The following PCDHA2 variants were observed in gnomAD, a reference collection of about 807,000 sequenced individuals.
PCDHA2 encodes the protein protocadherin alpha-2.
In PCDHA2, 58 loss-of-function variants were observed where a neutral mutation model predicts 66.0. That is an observed-to-expected ratio of 0.88 (90% CI 0.71 to 1.09). The LOEUF (loss-of-function observed/expected upper bound fraction) is 1.09, where lower values mean the gene tolerates loss of function less well. PCDHA2 is among the 50% of genes least tolerant of loss of function. PCDHA2 has a pLI of 0.00. For missense variants in PCDHA2, 1,267 were observed against 1,242.3 expected (o/e 1.02, Z -0.30); for synonymous variants, 634 against 554.0 (o/e 1.14, Z -2.03).
intron 1 of PCDHA2, among the ~76,000 whole-genome samples, chr5:140,908,155 G>C (rs559304647): frequency 6.6e-6 from 1 of 152,194 alleles, no homozygotes; most frequent in Non-Finnish European, 1.5e-5. Context: ...TCCTAGGAAG[G>C]GGCTGTAGTG....
chr5:140,994,377 G>T (rs1260163825), intron 3 of PCDHA2, among the ~76,000 whole-genome samples: 3 of 152,098 alleles, frequency 2.0e-5, no homozygotes, highest in Non-Finnish European at 4.4e-5. Context: ...GGAAATTCAG[G>T]GGACTAAGTC....
chr5:140,869,502 C>G (rs2051182557), intron 1 of PCDHA2: 1 of 1,614,090 alleles, frequency 6.2e-7, no homozygotes, highest in African/African-American at 1.3e-5. Context: ...CGCCGGTGTT[C>G]TCGCTCAGAG....
intron 1 of PCDHA2, chr5:140,830,054 G>A (rs2150180380): frequency 4.3e-6 from 7 of 1,613,740 alleles, no homozygotes; most frequent in South Asian, 1.1e-5. Flanking sequence ...GAAAGACCAC[G>A]GTGAGCCGGC....
At chr5:140,900,477 A>G (rs2068076560) in intron 1 of PCDHA2, among the ~76,000 whole-genome samples, 1 of 152,290 alleles carries the variant, frequency 6.6e-6, no homozygotes, top group Non-Finnish European at 1.5e-5. Flanking sequence ...GAGTTTCTCC[A>G]TGTTGGTCAG....
chr5:140,795,560 C>G lies in PCDHA2; in HGVS notation c.596C>G (p.Ser199Trp). ...TCTTTGTCTCTCGTGCTGGGGAAAT[C>G]GCTGGACAGAGAGGAAACTGCTGAG... ...SESLSLVLGK[S>W]LDREETAEVN... The change falls in exon 1 of 4, where the codon TCG (serine) becomes TGG (tryptophan). Residue 199 changes from serine (S) to tryptophan (W), a missense_variant. Physicochemically the swap from Ser to Trp is radical, Grantham distance 177 (BLOSUM62 -3). Transcript: ENST00000526136. 8 of 1,614,118 alleles carry G rather than the reference C, an allele frequency of 5.0e-6. No homozygotes were observed. Among genetic ancestry groups the G allele is most frequent in the Non-Finnish European group, 6.8e-6 (8 of 1,180,032 alleles).
At chr5:140,851,120 T>C (rs1052387301) in intron 1 of PCDHA2, 3 of 1,307,570 alleles carry the variant, frequency 2.3e-6, no homozygotes, top group Non-Finnish European at 2.0e-6. Flanking sequence ...ATCAATTTTA[T>C]TTAAATTTGT....
intron 1 of PCDHA2, among the ~76,000 whole-genome samples, chr5:140,838,146 C>T (rs1775571297): frequency 2.0e-5 from 3 of 149,200 alleles, no homozygotes; most frequent in Non-Finnish European, 4.5e-5. Flanking sequence ...CAGAGTTTTA[C>T]TCTGTCGCCC....
At chr5:140,844,453 C>T (rs1452241460) in intron 1 of PCDHA2, among the ~76,000 whole-genome samples, 5 of 148,746 alleles carry the variant, frequency 3.4e-5, no homozygotes, top group Non-Finnish European at 7.5e-5. Context: ...TGTATTGTCG[C>T]CAACTTAACA....
intron 1 of PCDHA2, chr5:140,967,578 C>T (rs868970551): frequency 1.9e-6 from 3 of 1,614,000 alleles, no homozygotes; most frequent in Non-Finnish European, 2.5e-6. Flanking sequence ...GAGGACTCAC[C>T]CCCAGGCACA....
At chr5:140,918,667 G>A (rs2078804677) in intron 1 of PCDHA2, among the ~76,000 whole-genome samples, 1 of 152,172 alleles carries the variant, frequency 6.6e-6, no homozygotes, top group African/African-American at 2.4e-5. Flanking sequence ...TTGATGGTAT[G>A]AAGAGGTGAG....
intron 1 of PCDHA2, chr5:140,852,648 C>T: frequency 1.0e-6 from 1 of 958,186 alleles, no homozygotes; most frequent in Non-Finnish European, 1.3e-6. Flanking sequence ...TTAAACCTAT[C>T]TATATCTGTC....
chr5:140,990,189 A>C (rs2097379694), intron 3 of PCDHA2, among the ~76,000 whole-genome samples: 1 of 152,218 alleles, frequency 6.6e-6, no homozygotes, highest in Non-Finnish European at 1.5e-5. Flanking sequence ...TAAGAACCAA[A>C]TGTGGACCCG....
chr5:140,870,017 G>T, intron 1 of PCDHA2: 1 of 1,613,620 alleles, frequency 6.2e-7, no homozygotes, highest in Non-Finnish European at 8.5e-7. Flanking sequence ...AGGGTCAATG[G>T]AACTTTAGAT....
At chr5:140,882,457 G>A (rs781908788) in intron 1 of PCDHA2, 2 of 1,613,938 alleles carry the variant, frequency 1.2e-6, no homozygotes, top group East Asian at 2.2e-5. Flanking sequence ...TGCCGCGCCT[G>A]TTCCGGGTGG....
chr5:140,927,513 C>G, intron 1 of PCDHA2: 1 of 1,614,062 alleles, frequency 6.2e-7, no homozygotes, highest in Non-Finnish European at 8.5e-7. Context: ...CAGCTCGGGA[C>G]GGCGGGCTAC....
At chr5:140,943,332 A>G (rs2093478817) in intron 1 of PCDHA2, among the ~76,000 whole-genome samples, 1 of 151,830 alleles carries the variant, frequency 6.6e-6, no homozygotes, top group Non-Finnish European at 1.5e-5. Flanking sequence ...TGTAGTATCC[A>G]TTGGACAGGA....
At chr5:140,858,160 G>T in intron 1 of PCDHA2, 1 of 1,597,718 alleles carries the variant, frequency 6.3e-7, no homozygotes, top group Non-Finnish European at 8.6e-7. Context: ...CCATCTGCGC[G>T]GTGTCCAGCT....
At chr5:140,834,597 G>A (rs1554134361) in intron 1 of PCDHA2, 1 of 1,614,130 alleles carries the variant, frequency 6.2e-7, no homozygotes, top group African/African-American at 1.3e-5. Flanking sequence ...CAAATTCCGT[G>A]GGGATCTTCT....
In PCDHA2 at chr5:141,010,640, G is replaced by A. The variant is rs2098417874; in HGVS notation, c.*703G>A. The A allele has an allele frequency of 5.6e-6, 1 of 179,322 alleles. No homozygotes were observed. Among genetic ancestry groups the A allele is most frequent in the South Asian group, 1.4e-4 (1 of 7,048 alleles). 11.1% of individuals were successfully genotyped at this position (179,322 alleles called of 1,614,324 possible). A position where few individuals can be genotyped will look rare whatever the true frequency, so the allele number is the denominator to read the frequency against. On this transcript the variant is annotated 3_prime_UTR_variant, in exon 4 of 4. Transcript: ENST00000526136. ...TCTGCATCATACCTGCAAGCCAACA[G>A]TTCAGTGTTTTAACAGAGAACCACC...
Sources: allele counts gnomAD v4.1 joint callset (sites outside exome capture counted in the v4.1 genomes callset), GRCh38; gene constraint gnomAD v4.1.1; transcripts MANE v1.5; gene names NCBI Gene and HGNC (gene_info 2026-07-23, HGNC 2026-07-21).